The following KRTAP8-1 variants were observed in gnomAD, a reference collection of about 807,000 sequenced individuals.
KRTAP8-1 encodes keratin-associated protein 8-1.
In KRTAP8-1, 4 loss-of-function variants were observed where a neutral mutation model predicts 5.5. That is an observed-to-expected ratio of 0.73 (90% confidence interval 0.36 to 1.67). The LOEUF is 1.67. Among genes scored for constraint, KRTAP8-1 ranks in the 40% most tolerant of loss-of-function variants. The pLI, the probability that KRTAP8-1 is intolerant of heterozygous loss-of-function variation, is 0.05. For synonymous variants in KRTAP8-1, 35 were observed against 34.6 expected, an observed-to-expected ratio of 1.01 and a Z score of -0.04; for missense variants, 79 against 80.3, an observed-to-expected ratio of 0.98 and a Z score of 0.06.
In KRTAP8-1 at chr21:30,812,833, T is replaced by G; in HGVS notation, c.*196A>C. 4.0e-6 allele frequency: 2 copies of G among 501,408 alleles called. No homozygotes were observed. The highest frequency in any genetic ancestry group is 6.9e-6 in the Non-Finnish European group (2 of 291,912). 31.1% of individuals were successfully genotyped at this position (501,408 alleles called of 1,614,324 possible). On this transcript the variant is annotated 3_prime_UTR_variant, in exon 1 of 1. Coordinates refer to ENST00000329621, the MANE Select transcript of KRTAP8-1 (RefSeq NM_175857.4). ...ATTTCCGAAAATGTCCCAGAGAACA[T>G]CAGCCAGGGGAGGCAGCTTGAGGAA...
chr21:30,813,167 G>T lies in KRTAP8-1; in HGVS notation c.54C>A (p.Ser18Arg). The T allele has an allele frequency of 3.1e-6, 5 of 1,614,140 alleles. No homozygotes were observed. In the Middle Eastern group the frequency reaches 5.0e-4, roughly 160 times the overall value. ...CGCTATATCCCAGCGGGTAGCCATA[G>T]CTGCCCCAGTAGCATCCTGGGAAGA... ...GAVFPGCYWGSYGYPLGYSVG... is the reference protein window; with the variant it reads ...GAVFPGCYWGRYGYPLGYSVG... Residue 18 changes from serine to arginine, a missense_variant, in exon 1 of 1, where the codon AGC becomes AGA. Coordinates refer to ENST00000329621, the MANE Select transcript of KRTAP8-1 (RefSeq NM_175857.4).
At position 30,812,962 on chromosome 21, in the gene KRTAP8-1, G is replaced by T. The variant is rs1984882120; in HGVS notation, c.*67C>A. ...AGGACTGAAGGAGTGGATACGGGGG[G>T]AACCTGGAGATGTGGGGCTCAGCCT... On this transcript the variant is annotated 3_prime_UTR_variant, in exon 1 of 1. Transcript: ENST00000329621. The T allele has an allele frequency of 1.1e-5, 16 of 1,493,000 alleles. No individual in the cohort carries two copies. Among genetic ancestry groups the T allele is most frequent in the Middle Eastern group, 1.8e-4 (1 of 5,594 alleles). The allele number at this position is 1,493,000 out of a possible 1,614,324, so 92.5% of individuals were successfully genotyped here.
rs1157563793 is a variant in KRTAP8-1, at chr21:30,813,076, A to G, written c.145T>C (p.Cys49Arg). 2 of 1,614,050 alleles carry G rather than the reference A, an allele frequency of 1.2e-6. No individual in the cohort carries two copies. Among genetic ancestry groups the G allele is most frequent in the Non-Finnish European group, 1.7e-6 (2 of 1,179,992 alleles). Residue 49 changes from cysteine (C) to arginine (R), a missense_variant, in exon 1 of 1, where the codon TGT (cysteine) becomes CGT (arginine). Transcript: ENST00000329621. ...TATCTCCTGTAGCCGAAAGCCCCACAGCCGTTGTAGCCATAGCCGAAGCCA... is the reference window on the plus strand; with the variant it reads ...TATCTCCTGTAGCCGAAAGCCCCACGGCCGTTGTAGCCATAGCCGAAGCCA... ...GYGFGYGYNG[C>R]GAFGYRRYSP...
rs749064387 is a variant in KRTAP8-1 at position 30,813,146 on chromosome 21, A to G, written c.75T>C (p.Tyr25=). ...TGCTGCCATAGCCACAGCCAACGCT[A>G]TATCCCAGCGGGTAGCCATAGCTGC... ...YWGSYGYPLG[Y]SVGCGYGSTY... is the part of the protein sequence containing the mutation. The change falls in exon 1 of 1, where the codon TAT becomes TAC. Residue 25 remains tyrosine, a synonymous_variant. Coordinates refer to ENST00000329621, the MANE Select transcript of KRTAP8-1 (RefSeq NM_175857.4). 62 of 1,613,970 alleles carry G rather than the reference A, an allele frequency of 3.8e-5. No homozygotes were observed. The Admixed American group carries it at 1.0e-3, about 26-fold the overall frequency.
chr21:30,813,060 T>C lies in KRTAP8-1; in HGVS notation c.161A>G (p.Tyr54Cys), dbSNP rs1172335477. 33 of 1,613,982 alleles carry C rather than the reference T, an allele frequency of 2.0e-5. No homozygotes were observed. Among genetic ancestry groups the C allele is most frequent in the Admixed American group, 6.7e-5 (4 of 60,004 alleles). ...GAGAGCAAATGGCGAGTATCTCCTG[T>C]AGCCGAAAGCCCCACAGCCGTTGTA... ...YGYNGCGAFG[Y>C]RRYSPFALY The change falls in exon 1 of 1, where the codon TAC (tyrosine) becomes TGC (cysteine). Residue 54 changes from tyrosine (Y) to cysteine (C), a missense_variant. Physicochemically the swap from Tyr to Cys is radical, Grantham distance 194. Coordinates refer to ENST00000329621, the MANE Select transcript of KRTAP8-1 (RefSeq NM_175857.4).
Position 30,813,012 on chromosome 21 carries a change from T to C in KRTAP8-1, c.*17A>G. The C allele has an allele frequency of 6.2e-7, 1 of 1,610,150 alleles. No individual in the cohort carries two copies. Among genetic ancestry groups the C allele is most frequent in the Non-Finnish European group, 8.5e-7 (1 of 1,177,750 alleles). On this transcript the variant is annotated 3_prime_UTR_variant, in exon 1 of 1. Coordinates refer to ENST00000329621, the MANE Select transcript of KRTAP8-1 (RefSeq NM_175857.4). ...TTCAAGGGAGAGAAGATGCTACACC[T>C]CGGGGATTTCAGCCAATCAGTAGAG...
At position 30,813,077 on chromosome 21, in the gene KRTAP8-1, G is replaced by A. The variant is rs979231804; in HGVS notation, c.144C>T (p.Gly48=). Residue 48 remains glycine (G), a synonymous_variant, in exon 1 of 1, where the codon GGC becomes GGT. Coordinates refer to ENST00000329621, the MANE Select transcript of KRTAP8-1 (RefSeq NM_175857.4). The stretch of plus-strand genomic sequence containing the variant: ...ATCTCCTGTAGCCGAAAGCCCCACA[G>A]CCGTTGTAGCCATAGCCGAAGCCAT... ...VGYGFGYGYN[G]CGAFGYRRYS... 6.2e-7 allele frequency: 1 copy of A among 1,613,996 alleles called. No homozygotes were observed. Among genetic ancestry groups the A allele is most frequent in the African/African-American group, 1.3e-5 (1 of 74,920 alleles).
At position 30,813,211 on chromosome 21, in the gene KRTAP8-1, C is replaced by G; in HGVS notation, c.10G>C (p.Asp4His). 6.2e-7 allele frequency: 1 copy of G among 1,613,754 alleles called. No individual in the cohort carries two copies. Among genetic ancestry groups the G allele is most frequent in the South Asian group, 1.1e-5 (1 of 91,042 alleles). ...GGGAAGACAGCCCCGGGGAAGTTGT[C>G]GCAGAGCATGGTGTCGGGAGTGGAG... is the stretch of plus-strand genomic sequence containing the variant. MLCDNFPGAVFPGC... is the reference protein window; with the variant it reads MLCHNFPGAVFPGC... The change falls in exon 1 of 1, where the codon GAC (aspartate) becomes CAC (histidine). Residue 4 changes from aspartate (D) to histidine (H), a missense_variant. Transcript: ENST00000329621.
rs540525082 is a variant in KRTAP8-1, at chr21:30,812,998, G to A, written c.*31C>T. On this transcript the variant is annotated 3_prime_UTR_variant, in exon 1 of 1. Coordinates refer to ENST00000329621, the MANE Select transcript of KRTAP8-1 (RefSeq NM_175857.4). ...TGTGGGGCTCAGCCTTCAAGGGAGAGAAGATGCTACACCTCGGGGATTTCA... is the reference window on the plus strand; with the variant it reads ...TGTGGGGCTCAGCCTTCAAGGGAGAAAAGATGCTACACCTCGGGGATTTCA... The A allele has an allele frequency of 1.4e-5, 22 of 1,601,420 alleles. No individual in the cohort carries two copies. Among genetic ancestry groups the A allele is most frequent in the Non-Finnish European group, 1.8e-5 (21 of 1,172,830 alleles).
Position 30,812,824 on chromosome 21 carries a change from C to A in KRTAP8-1, c.*205G>T. ...GGAGGTCAAATTTCCGAAAATGTCC[C>A]AGAGAACATCAGCCAGGGGAGGCAG... On this transcript the variant is annotated 3_prime_UTR_variant, in exon 1 of 1. Transcript: ENST00000329621. 2.1e-6 allele frequency: 1 copy of A among 487,546 alleles called. No homozygotes were observed. The highest frequency in any genetic ancestry group is 3.6e-6 in the Non-Finnish European group (1 of 280,934). 30.2% of individuals were successfully genotyped at this position (487,546 alleles called of 1,614,324 possible). A position where few individuals can be genotyped will look rare whatever the true frequency, so the allele number is the denominator to read the frequency against.
At position 30,813,037 on chromosome 21, in the gene KRTAP8-1, G is replaced by T. The variant is rs1199661799; in HGVS notation, c.184C>A (p.Leu62Ile). 6.2e-7 allele frequency: 1 copy of T among 1,613,926 alleles called. No individual in the cohort carries two copies. The highest frequency in any genetic ancestry group is 1.7e-5 in the Admixed American group (1 of 60,010). The change falls in exon 1 of 1, where the codon CTC (leucine) becomes ATC (isoleucine). Residue 62 changes from leucine to isoleucine, a missense_variant. By Grantham distance (5) the Leu-to-Ile change is conservative (BLOSUM62 2). Transcript: ENST00000329621. ...FGYRRYSPFA[L>I]Y The stretch of plus-strand genomic sequence containing the variant: ...TCGGGGATTTCAGCCAATCAGTAGA[G>T]AGCAAATGGCGAGTATCTCCTGTAG...
In KRTAP8-1 at chr21:30,812,951, G is replaced by T; in HGVS notation, c.*78C>A. On this transcript the variant is annotated 3_prime_UTR_variant, in exon 1 of 1. Coordinates refer to ENST00000329621, the MANE Select transcript of KRTAP8-1 (RefSeq NM_175857.4). ...ATGAGCAAATGAGGACTGAAGGAGT[G>T]GATACGGGGGGAACCTGGAGATGTG... 1 of 1,401,602 alleles carries T rather than the reference G, an allele frequency of 7.1e-7. No homozygotes were observed. The highest frequency in any genetic ancestry group is 9.8e-7 in the Non-Finnish European group (1 of 1,017,162). The allele number at this position is 1,401,602 out of a possible 1,614,324, so 86.8% of individuals were successfully genotyped here. A position where few individuals can be genotyped will look rare whatever the true frequency, so the allele number is the denominator to read the frequency against.
rs1984881645 is a variant in KRTAP8-1 at position 30,812,946 on chromosome 21, G to A, written c.*83C>T. The A allele has an allele frequency of 1.5e-6, 2 of 1,338,826 alleles. No homozygotes were observed. Among genetic ancestry groups the A allele is most frequent in the African/African-American group, 1.5e-5 (1 of 68,652 alleles). 82.9% of individuals were successfully genotyped at this position (1,338,826 alleles called of 1,614,324 possible). A position where few individuals can be genotyped will look rare whatever the true frequency, so the allele number is the denominator to read the frequency against. On this transcript the variant is annotated 3_prime_UTR_variant, in exon 1 of 1. Transcript: ENST00000329621. ...GGTTGATGAGCAAATGAGGACTGAA[G>A]GAGTGGATACGGGGGGAACCTGGAG...
rs1267349756 is a variant in KRTAP8-1, at chr21:30,813,019, T to C, written c.*10A>G. The C allele has an allele frequency of 6.2e-7, 1 of 1,611,150 alleles. No individual in the cohort carries two copies. Among genetic ancestry groups the C allele is most frequent in the Non-Finnish European group, 8.5e-7 (1 of 1,178,408 alleles). On this transcript the variant is annotated 3_prime_UTR_variant, in exon 1 of 1. Coordinates refer to ENST00000329621, the MANE Select transcript of KRTAP8-1 (RefSeq NM_175857.4). ...GAGAGAAGATGCTACACCTCGGGGA[T>C]TTCAGCCAATCAGTAGAGAGCAAAT...
rs1440839446 is a variant in KRTAP8-1, at chr21:30,813,157, G to A, written c.64C>T (p.Pro22Ser). Residue 22 changes from proline to serine, a missense_variant, in exon 1 of 1, where the codon CCG (proline) becomes TCG (serine). Coordinates refer to ENST00000329621, the MANE Select transcript of KRTAP8-1 (RefSeq NM_175857.4). The stretch of plus-strand genomic sequence containing the variant: ...CCACAGCCAACGCTATATCCCAGCG[G>A]GTAGCCATAGCTGCCCCAGTAGCAT... ...PGCYWGSYGY[P>S]LGYSVGCGYG... is the part of the protein sequence containing the mutation. The A allele has an allele frequency of 1.2e-5, 20 of 1,613,974 alleles. No homozygotes were observed. Among genetic ancestry groups the A allele is most frequent in the Non-Finnish European group, 1.5e-5 (18 of 1,179,962 alleles).
Position 30,812,897 on chromosome 21 carries a change from TA to T in KRTAP8-1, c.*131del. ...CATTTTCCTCCCCTGGGACTCGAGG[TA>T]AGTTGGAAAGCAGTGTCTCTGAGGT... is the stretch of plus-strand genomic sequence containing the variant. On this transcript the variant is annotated 3_prime_UTR_variant, in exon 1 of 1. Transcript: ENST00000329621. 1.3e-6 allele frequency: 1 copy of T among 760,648 alleles called. No homozygotes were observed. 47.1% of individuals were successfully genotyped at this position (760,648 alleles called of 1,614,324 possible). A position where few individuals can be genotyped will look rare whatever the true frequency, so the allele number is the denominator to read the frequency against.
In KRTAP8-1 at chr21:30,812,971, G is replaced by A. The variant is rs573299822; in HGVS notation, c.*58C>T. Reference sequence around the variant, plus strand: ...GGAGTGGATACGGGGGGAACCTGGAGATGTGGGGCTCAGCCTTCAAGGGAG... The same window carrying A: ...GGAGTGGATACGGGGGGAACCTGGAAATGTGGGGCTCAGCCTTCAAGGGAG... On this transcript the variant is annotated 3_prime_UTR_variant, in exon 1 of 1. Transcript: ENST00000329621. 53 of 1,534,750 alleles carry A rather than the reference G, an allele frequency of 3.5e-5. No individual in the cohort carries two copies. In the South Asian group the frequency reaches 6.2e-4, roughly 18 times the overall value.
Position 30,812,807 on chromosome 21 carries a change from A to T in KRTAP8-1, c.*222T>A. 2.3e-6 allele frequency: 1 copy of T among 443,898 alleles called. No individual in the cohort carries two copies. The highest frequency in any genetic ancestry group is 3.4e-5 in the East Asian group (1 of 29,400). The allele number at this position is 443,898 out of a possible 1,614,324, so 27.5% of individuals were successfully genotyped here. A position where few individuals can be genotyped will look rare whatever the true frequency, so the allele number is the denominator to read the frequency against. On this transcript the variant is annotated 3_prime_UTR_variant, in exon 1 of 1. Coordinates refer to ENST00000329621, the MANE Select transcript of KRTAP8-1 (RefSeq NM_175857.4). ...GTAGCTCATGACAAGTGGGAGGTCAAATTTCCGAAAATGTCCCAGAGAACA... is the reference window on the plus strand; with the variant it reads ...GTAGCTCATGACAAGTGGGAGGTCATATTTCCGAAAATGTCCCAGAGAACA...
chr21:30,812,873 AT>A lies in KRTAP8-1; in HGVS notation c.*155del. 1.5e-6 allele frequency: 1 copy of A among 683,388 alleles called. No homozygotes were observed. The highest frequency in any genetic ancestry group is 3.1e-5 in the South Asian group (1 of 31,982). 42.3% of individuals were successfully genotyped at this position (683,388 alleles called of 1,614,324 possible). A position where few individuals can be genotyped will look rare whatever the true frequency, so the allele number is the denominator to read the frequency against. On this transcript the variant is annotated 3_prime_UTR_variant, in exon 1 of 1. Coordinates refer to ENST00000329621, the MANE Select transcript of KRTAP8-1 (RefSeq NM_175857.4). ...AGCTTGAGGAAGCGTCTGCTTTTTCATTTTCCTCCCCTGGGACTCGAGGTAA... is the reference window on the plus strand; with the variant it reads ...AGCTTGAGGAAGCGTCTGCTTTTTCATTTCCTCCCCTGGGACTCGAGGTAA...
Sources: gnomAD v4.1 joint callset for allele counts on GRCh38, gnomAD v4.1.1 for gene constraint, MANE v1.5 for transcripts, NCBI Gene and HGNC (gene_info 2026-07-23, HGNC 2026-07-21) for gene names.